AQR: variants seen among roughly 807,000 people sequenced by gnomAD.
AQR encodes the protein RNA helicase aquarius.
AQR carries 61 observed loss-of-function variants against 180.5 expected under a neutral mutation model. The observed-to-expected ratio is 0.34, with a 90% CI of 0.28 to 0.42. The LOEUF is 0.42. Ranked by LOEUF, AQR falls within the 10% of genes least tolerant of loss-of-function variation. AQR has a pLI of 1.00. For missense variants in AQR, 1,281 were observed against 1,798.3 expected (o/e 0.71, Z 5.20); for synonymous variants, 551 against 588.8 (o/e 0.94, Z 0.93).
At chr15:34,890,889 A>G (rs1934633170) in intron 23 of AQR, among the ~76,000 whole-genome samples, 1 of 152,192 alleles carries the variant, frequency 6.6e-6, no homozygotes, top group Non-Finnish European at 1.5e-5. Context: ...TATCTGTGAA[A>G]TGTTCATAAT....
chr15:34,864,548 G>C (rs17818176), intron 32 of AQR, among the ~76,000 whole-genome samples: 1 of 152,174 alleles, frequency 6.6e-6, no homozygotes, highest in Non-Finnish European at 1.5e-5. Context: ...TACACTGCTA[G>C]AAATACCTAG....
chr15:34,860,065 G>T lies in AQR; in HGVS notation c.4120C>A (p.Gln1374Lys). Residue 1374 changes from glutamine (Q) to lysine (K), a missense_variant, in exon 34 of 35, where the codon CAG becomes AAG. Physicochemically the swap from Gln to Lys is moderately conservative, Grantham distance 53. Around this residue, in one of 9 missense-constraint regions of AQR, gnomAD observed 182 missense variants for 185.3 expected, o/e 0.98. Coordinates refer to ENST00000156471, the MANE Select transcript of AQR (RefSeq NM_014691.3). ...ACCTGATGATAATGATGTGTAGTCTGTATCAAATGCATGTACATGTTGTAT... is the reference window on the plus strand; with the variant it reads ...ACCTGATGATAATGATGTGTAGTCTTTATCAAATGCATGTACATGTTGTAT... ...FVYNMYMHLI[Q>K]TTHHYHQTLL... 1 of 1,477,698 alleles carries T rather than the reference G, an allele frequency of 6.8e-7. No individual in the cohort carries two copies. The highest frequency in any genetic ancestry group is 9.1e-7 in the Non-Finnish European group (1 of 1,097,092). 91.5% of individuals were successfully genotyped at this position (1,477,698 alleles called of 1,614,324 possible). A position where few individuals can be genotyped will look rare whatever the true frequency, so the allele number is the denominator to read the frequency against.
chr15:34,898,592 A>G (rs1209971166), intron 20 of AQR, among the ~76,000 whole-genome samples: 1 of 152,200 alleles, frequency 6.6e-6, no homozygotes, highest in East Asian at 1.9e-4. Context: ...GGCACATGAA[A>G]AAACTATCCT....
At chr15:34,873,729 T>C in intron 30 of AQR, 99 bp downstream of exon 30, 1 of 1,113,458 alleles carries the variant, frequency 9.0e-7, no homozygotes, top group Non-Finnish European at 1.2e-6. Context: ...GGTTCCAACT[T>C]TCCTTTTCTC....
intron 22 of AQR, among the ~76,000 whole-genome samples, chr15:34,895,304 A>G (rs1210317719): frequency 6.7e-6 from 1 of 148,190 alleles, no homozygotes; most frequent in Non-Finnish European, 1.5e-5. Context: ...AATACAAAAT[A>G]AAGGGAACAA....
intron 14 of AQR, among the ~76,000 whole-genome samples, chr15:34,920,096 G>A (rs931063677): frequency 2.0e-5 from 3 of 152,122 alleles, no homozygotes; most frequent in African/African-American, 7.2e-5. Context: ...CATATAAATA[G>A]TTGCTAATAG....
intron 31 of AQR, chr15:34,869,337 T>G (rs1258781579): frequency 6.6e-6 from 1 of 152,216 alleles, no homozygotes; most frequent in Non-Finnish European, 1.5e-5. Flanking sequence ...TCAAGTCATT[T>G]GCCCATTTTG....
chr15:34,854,442 C>T lies in AQR; in HGVS notation c.*2350G>A, dbSNP rs1892559427. Reference sequence around the variant, plus strand: ...GATTGAAAAAATAAACAAAGCAGTGCCGTAGAACTGTAGACTTGGATTCTA... The same window carrying T: ...GATTGAAAAAATAAACAAAGCAGTGTCGTAGAACTGTAGACTTGGATTCTA... On this transcript the variant is annotated 3_prime_UTR_variant, in exon 35 of 35. Coordinates refer to ENST00000156471, the MANE Select transcript of AQR (RefSeq NM_014691.3). The T allele has an allele frequency of 6.6e-6, 1 of 152,122 alleles. No individual in the cohort carries two copies. The highest frequency in any genetic ancestry group is 1.5e-5 in the Non-Finnish European group (1 of 68,014). The allele number at this position is 152,122 out of a possible 1,614,324, so 9.4% of individuals were successfully genotyped here. A position where few individuals can be genotyped will look rare whatever the true frequency, so the allele number is the denominator to read the frequency against.
chr15:34,916,199 T>C (rs1893582598), intron 15 of AQR, among the ~76,000 whole-genome samples: 1 of 152,214 alleles, frequency 6.6e-6, no homozygotes, highest in African/African-American at 2.4e-5. Context: ...AATTATTATG[T>C]TACATTGCAT....
intron 20 of AQR, among the ~76,000 whole-genome samples, chr15:34,899,407 C>T (rs968194253): frequency 2.6e-5 from 4 of 152,018 alleles, no homozygotes; most frequent in Non-Finnish European, 4.4e-5. Context: ...GATAGAGTCT[C>T]GCTCTGTCTC....
intron 2 of AQR, among the ~76,000 whole-genome samples, chr15:34,962,934 T>C (rs1939465643): frequency 6.6e-6 from 1 of 152,140 alleles, no homozygotes; most frequent in Admixed American, 6.6e-5. Context: ...GAGTCTTCAT[T>C]ACTTGTTGAA....
chr15:34,926,999 C>CA (rs928355768), intron 13 of AQR, 36 bp downstream of exon 13: 15 of 1,319,280 alleles, frequency 1.1e-5, no homozygotes, highest in Admixed American at 4.6e-5. Flanking sequence ...GAGCATGATA[C>CA]AAAAAAAGAA....
At chr15:34,868,761 A>T (rs190091822) in intron 31 of AQR, 3 of 152,238 alleles carry the variant, frequency 2.0e-5, no homozygotes, top group Non-Finnish European at 1.5e-5. Flanking sequence ...CATCAAAAGG[A>T]TATATTCTTT....
chr15:34,960,826 A>G lies in AQR; in HGVS notation c.133-12T>C. On this transcript the variant is annotated splice_polypyrimidine_tract_variant and intron_variant, in intron 2 of 34. Coordinates refer to ENST00000156471, the MANE Select transcript of AQR (RefSeq NM_014691.3). ...ATATCTTCAATAACCTGTTATAAAA[A>G]TATAAAAATGTTTAATATCTCAACA... 1 of 851,512 alleles carries G rather than the reference A, an allele frequency of 1.2e-6. No individual in the cohort carries two copies. The highest frequency in any genetic ancestry group is 2.9e-5 in the Admixed American group (1 of 33,964). The allele number at this position is 851,512 out of a possible 1,614,324, so 52.7% of individuals were successfully genotyped here. A position where few individuals can be genotyped will look rare whatever the true frequency, so the allele number is the denominator to read the frequency against.
chr15:34,868,620 C>A (rs945502232), intron 31 of AQR: 1 of 152,052 alleles, frequency 6.6e-6, no homozygotes, highest in African/African-American at 2.4e-5. Flanking sequence ...TGACCACCAC[C>A]ACAATAAAAA....
At chr15:34,917,591 C>A in intron 15 of AQR, among the ~76,000 whole-genome samples, 1 of 151,690 alleles carries the variant, frequency 6.6e-6, no homozygotes, top group African/African-American at 2.4e-5. Context: ...CAAAAGAGCC[C>A]CTAAGAAAAG....
At position 34,900,804 on chromosome 15, in the gene AQR, C is replaced by T; in HGVS notation, c.2061G>A (p.Leu687=). The change falls in exon 20 of 35, where the codon CTG becomes CTA. Residue 687 remains leucine, a synonymous_variant. Coordinates refer to ENST00000156471, the MANE Select transcript of AQR (RefSeq NM_014691.3). ...MNTDCVVPDW[L]HDIILGYGDP... ...CCCCATAACCTAAAATGATATCGTG[C>T]AGCCAGTCAGGTACCACACAATCAG... 1 of 1,614,020 alleles carries T rather than the reference C, an allele frequency of 6.2e-7. No homozygotes were observed. Among genetic ancestry groups the T allele is most frequent in the Non-Finnish European group, 8.5e-7 (1 of 1,179,932 alleles).
intron 24 of AQR, among the ~76,000 whole-genome samples, chr15:34,889,765 GGTTACA>G (rs1893115079): frequency 6.6e-6 from 1 of 151,900 alleles, no homozygotes; most frequent in Admixed American, 6.6e-5. Context: ...CTGCCTCCCG[GGTTACA>G]GCGATTCTCC....
chr15:34,935,855 C>T (rs1052433477), intron 9 of AQR, among the ~76,000 whole-genome samples: 1 of 152,172 alleles, frequency 6.6e-6, no homozygotes, highest in Admixed American at 6.5e-5. Context: ...TAAATTAAAT[C>T]CATTCGAACC....
Sources: allele counts gnomAD v4.1 joint callset (sites outside exome capture counted in the v4.1 genomes callset), GRCh38; gene constraint gnomAD v4.1.1; regional missense constraint gnomAD v4.1.1; transcripts MANE v1.5; gene names NCBI Gene and HGNC (gene_info 2026-07-23, HGNC 2026-07-21).